The following HAVCR2 variants were observed in gnomAD, a reference collection of about 807,000 sequenced individuals.
HAVCR2 encodes T cell immunoglobulin mucin 3.
Under a neutral mutation model 24.7 loss-of-function variants are expected in HAVCR2, and 13 were observed. The ratio of observed to expected loss-of-function variants is 0.53; its 90% CI spans 0.34 to 0.84. The LOEUF (loss-of-function observed/expected upper bound fraction) is 0.84, where lower values mean the gene tolerates loss of function less well. Ranked by LOEUF, HAVCR2 falls within the 40% of genes least tolerant of loss-of-function variation. The probability of loss-of-function intolerance (pLI) is 0.01; values close to 1 mark genes in which losing one functional copy is unlikely to be tolerated. For missense variants in HAVCR2, 343 were observed against 371.2 expected (o/e 0.92, Z 0.62); for synonymous variants, 154 against 143.4 (o/e 1.07, Z -0.53).
rs565870003 is a variant in HAVCR2, at chr5:157,088,924, C to T, written c.713+17G>A. 3.0e-5 allele frequency: 48 copies of T among 1,605,684 alleles called. No individual in the cohort carries two copies. The highest frequency in any genetic ancestry group is 3.7e-5 in the Non-Finnish European group (43 of 1,174,110). On this transcript the variant is annotated intron_variant, in intron 6 of 6. Coordinates refer to ENST00000307851, the MANE Select transcript of HAVCR2 (RefSeq NM_032782.5). Reference sequence around the variant, plus strand: ...CAAGATTCTCACCTTTTCCCAACCCCATTCCATTATTCTTACCTTAAATTC... The same window carrying T: ...CAAGATTCTCACCTTTTCCCAACCCTATTCCATTATTCTTACCTTAAATTC...
chr5:157,093,277 T>A (rs1581756653), intron 5 of HAVCR2, among the ~76,000 whole-genome samples: 1 of 152,008 alleles, frequency 6.6e-6, no homozygotes, highest in Non-Finnish European at 1.5e-5. Context: ...AAATCCAGTA[T>A]CTATCAATTA....
At chr5:157,091,160 T>A (rs1756993219) in intron 5 of HAVCR2, among the ~76,000 whole-genome samples, 1 of 152,074 alleles carries the variant, frequency 6.6e-6, no homozygotes, top group Admixed American at 6.6e-5. Context: ...GATAAAGGTA[T>A]CAGGCTGGGA....
intron 3 of HAVCR2, among the ~76,000 whole-genome samples, chr5:157,101,473 G>T (rs1206934942): frequency 6.6e-6 from 1 of 152,198 alleles, no homozygotes. Context: ...GTACTTATTA[G>T]GTGCCAGACA....
chr5:157,099,666 C>A (rs1447088281), intron 3 of HAVCR2, among the ~76,000 whole-genome samples: 2 of 152,030 alleles, frequency 1.3e-5, no homozygotes, highest in African/African-American at 4.8e-5. Context: ...GTGGCACAAT[C>A]TCAACTCACT....
intron 1 of HAVCR2, among the ~76,000 whole-genome samples, chr5:157,107,680 A>T (rs1226346742): frequency 6.6e-6 from 1 of 151,838 alleles, no homozygotes; most frequent in Non-Finnish European, 1.5e-5. Context: ...AAGGCTGCAT[A>T]CCTCCCCCAT....
At chr5:157,090,122 CTTTT>C (rs869177923) in intron 5 of HAVCR2, among the ~76,000 whole-genome samples, 328 of 65,568 alleles carry the variant, frequency 5.0e-3, no homozygotes, top group African/African-American at 0.019. Context: ...CTTTTCTTTT[CTTTT>C]TTTTTTTTTT....
At chr5:157,093,259 C>G (rs1212711526) in intron 5 of HAVCR2, among the ~76,000 whole-genome samples, 1 of 152,008 alleles carries the variant, frequency 6.6e-6, no homozygotes, top group Non-Finnish European at 1.5e-5. Context: ...CAGGACAGTC[C>G]TGGTTTCAAA....
chr5:157,104,323 C>G (rs1188062240), intron 3 of HAVCR2, among the ~76,000 whole-genome samples: 1 of 152,150 alleles, frequency 6.6e-6, no homozygotes, highest in Non-Finnish European at 1.5e-5. Context: ...AGACTGACAC[C>G]AGTTCATGAC....
chr5:157,096,943 CA>C (rs1757102612), intron 4 of HAVCR2, among the ~76,000 whole-genome samples: 4 of 150,016 alleles, frequency 2.7e-5, no homozygotes, highest in African/African-American at 1.0e-4. Flanking sequence ...CACACACACA[CA>C]CACACACACA....
At chr5:157,098,321 C>T (rs1011027670) in intron 4 of HAVCR2, among the ~76,000 whole-genome samples, 3 of 151,718 alleles carry the variant, frequency 2.0e-5, no homozygotes, top group African/African-American at 7.3e-5. Flanking sequence ...GCAGGAGAAT[C>T]GCTTGAACCC....
chr5:157,094,276 C>T (rs1413680910), intron 5 of HAVCR2, among the ~76,000 whole-genome samples: 1 of 151,982 alleles, frequency 6.6e-6, no homozygotes, highest in African/African-American at 2.4e-5. Context: ...AACTCCTGGG[C>T]TCAACTGATC....
At chr5:157,088,159 C>T (rs781326174) in intron 6 of HAVCR2, among the ~76,000 whole-genome samples, 3 of 152,212 alleles carry the variant, frequency 2.0e-5, no homozygotes, top group Non-Finnish European at 4.4e-5. Context: ...ATCCTCCCAC[C>T]TCAGCCTCCC....
chr5:157,087,402 A>T (rs1157265384), intron 6 of HAVCR2, 108 bp from the exon 7 acceptor site: 3 of 834,670 alleles, frequency 3.6e-6, no homozygotes, highest in Non-Finnish European at 5.4e-6. Flanking sequence ...ATAGTGCATG[A>T]TCTTTGATCA....
At chr5:157,087,869 C>T (rs1407678462) in intron 6 of HAVCR2, among the ~76,000 whole-genome samples, 1 of 148,914 alleles carries the variant, frequency 6.7e-6, no homozygotes, top group Non-Finnish European at 1.5e-5. Context: ...TGCCACTGCA[C>T]TCCAGCCTGG....
intron 2 of HAVCR2, 115 bp downstream of exon 2, chr5:157,106,512 G>A (rs577004914): frequency 1.2e-6 from 1 of 807,048 alleles, no homozygotes; most frequent in South Asian, 1.7e-5. Flanking sequence ...TTAGGTCTTA[G>A]TGGCCCTCCT....
chr5:157,088,911 C>T, intron 6 of HAVCR2, 30 bp downstream of exon 6: 2 of 1,596,886 alleles, frequency 1.3e-6, no homozygotes, highest in Non-Finnish European at 8.6e-7. Context: ...AGATTCTCAC[C>T]TTTTCCCAAC....
rs562051495 is a variant in HAVCR2, at chr5:157,096,086, C to T, written c.523-627G>A. 7.9e-5 allele frequency among the ~76,000 whole-genome samples: 12 copies of T among 151,642 alleles called. No individual in the cohort carries two copies. The East Asian group carries it at 1.6e-3, about 20-fold the overall frequency. On this transcript the variant is annotated intron_variant, in intron 4 of 6. Transcript: ENST00000307851. ...ACTAAAAATACAAAACTTAGCCAGG[C>T]GTGGTAACACATGCCTGTAATCCTA... is the stretch of plus-strand genomic sequence containing the variant.
chr5:157,091,587 T>C, intron 5 of HAVCR2, among the ~76,000 whole-genome samples: 1 of 151,508 alleles, frequency 6.6e-6, no homozygotes, highest in East Asian at 1.9e-4. Context: ...GGGTGAAAAG[T>C]AGAGACAACT....
At chr5:157,104,214 A>G (rs1467061938) in intron 3 of HAVCR2, among the ~76,000 whole-genome samples, 1 of 152,178 alleles carries the variant, frequency 6.6e-6, no homozygotes, top group Non-Finnish European at 1.5e-5. Flanking sequence ...GAATTTAACT[A>G]TTCTTTCTGT....
Sources: allele counts gnomAD v4.1 joint callset (sites outside exome capture counted in the v4.1 genomes callset), GRCh38; gene constraint gnomAD v4.1.1; transcripts MANE v1.5; gene names NCBI Gene and HGNC (gene_info 2026-07-23, HGNC 2026-07-21).